CCDC138: variants seen among roughly 807,000 people sequenced by gnomAD.
CCDC138 encodes coiled-coil domain-containing protein 138.
In CCDC138, 66 loss-of-function variants were observed where a neutral mutation model predicts 82.3. The observed-to-expected ratio is 0.80, with a 90% CI of 0.66 to 0.98. CCDC138 has a LOEUF of 0.98. CCDC138 is among the 50% of genes least tolerant of loss of function. CCDC138 has a pLI of 0.00. For synonymous variants in CCDC138, 297 were observed against 265.4 expected, an observed-to-expected ratio of 1.12 and a Z score of -1.16; for missense variants, 816 against 758.9, an observed-to-expected ratio of 1.08 and a Z score of -0.88.
rs567031683 is a variant in CCDC138, at chr2:108,838,159, C to T, written c.1207-1026C>T. Among the ~76,000 whole-genome samples, 3 of 152,124 alleles carry T rather than the reference C, an allele frequency of 2.0e-5. No homozygotes were observed. The South Asian group carries it at 6.2e-4, about 32-fold the overall frequency. On this transcript the variant is annotated intron_variant, in intron 10 of 14. Transcript: ENST00000295124. ...ATATTGCCTCCTGGGATACAAGGGC[C>T]AGATAGAAGGGGTCTGGCTCTGAAT...
chr2:108,791,714 A>G lies in CCDC138; in HGVS notation c.306A>G (p.Lys102=), dbSNP rs773697106. Residue 102 remains lysine, a synonymous_variant, in exon 4 of 15, where the codon AAA becomes AAG. Transcript: ENST00000295124. ...DELDSFHDLK[K]QETEEELIEN... ...TGGATTCTTTCCATGATTTGAAGAA[A>G]CAGGAAACAGAAGAAGAGTTAATTG... is the stretch of plus-strand genomic sequence containing the variant. The G allele has an allele frequency of 6.2e-7, 1 of 1,607,242 alleles. No homozygotes were observed. The highest frequency in any genetic ancestry group is 1.1e-5 in the South Asian group (1 of 89,868).
chr2:108,823,610 G>C (rs936299132), intron 10 of CCDC138, among the ~76,000 whole-genome samples: 2 of 152,234 alleles, frequency 1.3e-5, no homozygotes, highest in Admixed American at 1.3e-4. Flanking sequence ...ATCTTAGGCA[G>C]TTGTAACACA....
Position 108,791,678 on chromosome 2 carries a change from AGAT to A in CCDC138, c.276_278del (p.Asp92del). ...TGATACAATTATTTTTTTAAAGCCT[AGAT>A]GATGAACTGGATTCTTTCCATGATT... On this transcript the variant is annotated inframe_deletion, in exon 4 of 15. Coordinates refer to ENST00000295124, the MANE Select transcript of CCDC138 (RefSeq NM_144978.3). The A allele has an allele frequency of 3.1e-6, 5 of 1,604,634 alleles. No individual in the cohort carries two copies. The highest frequency in any genetic ancestry group is 4.3e-6 in the Non-Finnish European group (5 of 1,174,356).
intron 14 of CCDC138, among the ~76,000 whole-genome samples, chr2:108,874,009 T>A (rs1695657848): frequency 6.6e-6 from 1 of 152,114 alleles, no homozygotes; most frequent in South Asian, 2.1e-4. Flanking sequence ...AGAATTAGAG[T>A]TCTGATCTCA....
chr2:108,790,122 ATAAT>A (rs752461460), intron 3 of CCDC138, among the ~76,000 whole-genome samples: 8 of 152,270 alleles, frequency 5.3e-5, no homozygotes, highest in African/African-American at 1.9e-4. Flanking sequence ...TTCTGGGTAA[ATAAT>A]AAGTACTCAA....
intron 5 of CCDC138, among the ~76,000 whole-genome samples, chr2:108,797,123 G>A (rs145012418): frequency 3.6e-4 from 55 of 152,214 alleles, no homozygotes; most frequent in African/African-American, 1.3e-3. Flanking sequence ...GCATATACTT[G>A]GTAATTTTAG....
chr2:108,862,984 A>G (rs2104876922), intron 13 of CCDC138, among the ~76,000 whole-genome samples: 1 of 152,296 alleles, frequency 6.6e-6, no homozygotes, highest in African/African-American at 2.4e-5. Context: ...ATCATCAAAA[A>G]CTTTGGACTA....
At chr2:108,804,388 A>G (rs1239204914) in intron 6 of CCDC138, among the ~76,000 whole-genome samples, 1 of 152,192 alleles carries the variant, frequency 6.6e-6, no homozygotes, top group Non-Finnish European at 1.5e-5. Context: ...TATCTAACAT[A>G]TTTTGAGATG....
chr2:108,869,775 C>A (rs1462672614), intron 13 of CCDC138, among the ~76,000 whole-genome samples: 1 of 152,148 alleles, frequency 6.6e-6, no homozygotes, highest in Non-Finnish European at 1.5e-5. Flanking sequence ...ACTCCCTACA[C>A]CGTTCCCAAG....
rs188111462 is a variant in CCDC138 at position 108,797,065 on chromosome 2, T to C, written c.577-1363T>C. On this transcript the variant is annotated intron_variant, in intron 5 of 14. Transcript: ENST00000295124. The stretch of plus-strand genomic sequence containing the variant: ...TTAAGTAGGCTGTTTGGACTTGACT[T>C]TGGAGCCTGTGAGAAAGATCTGAGC... Among the ~76,000 whole-genome samples the C allele has an allele frequency of 1.8e-3, 279 of 152,194 alleles. 3 individuals carry two copies. The highest frequency in any genetic ancestry group is 4.2e-3 in the South Asian group (20 of 4,800).
intron 12 of CCDC138, among the ~76,000 whole-genome samples, chr2:108,855,610 A>G (rs1692458719): frequency 6.6e-6 from 1 of 152,224 alleles, no homozygotes; most frequent in Non-Finnish European, 1.5e-5. Context: ...AATTAAGTAC[A>G]GTAATGTTGG....
intron 13 of CCDC138, among the ~76,000 whole-genome samples, chr2:108,861,825 C>T (rs1163810339): frequency 6.6e-6 from 1 of 152,046 alleles, no homozygotes; most frequent in Non-Finnish European, 1.5e-5. Context: ...GCGTGAGCCA[C>T]CGCGCCCAGC....
At chr2:108,861,472 C>CTTTTTTTTTTTTTTTTTTTTTTT (rs201132350) in intron 13 of CCDC138, among the ~76,000 whole-genome samples, 1 of 123,552 alleles carries the variant, frequency 8.1e-6, no homozygotes, top group Admixed American at 7.7e-5. Context: ...AACTTTCTTC[C>CTTTTTTTTTTTTTTTTTTTTTTT]TTTTTTTTTT....
At chr2:108,873,373 T>G (rs1695563961) in intron 13 of CCDC138, 78 bp from the exon 14 acceptor site, 1 of 1,245,276 alleles carries the variant, frequency 8.0e-7, no homozygotes, top group Non-Finnish European at 1.1e-6. Context: ...ATGCCTCACA[T>G]AGTTCTGATT....
At chr2:108,840,921 C>T (rs774597854) in intron 11 of CCDC138, among the ~76,000 whole-genome samples, 34 of 152,120 alleles carry the variant, frequency 2.2e-4, no homozygotes, top group Non-Finnish European at 4.7e-4. Flanking sequence ...AAGTGATTCT[C>T]CTGCATCAGC....
At chr2:108,803,799 T>G (rs147248161) in intron 6 of CCDC138, among the ~76,000 whole-genome samples, 1 of 152,346 alleles carries the variant, frequency 6.6e-6, no homozygotes, top group East Asian at 1.9e-4. Context: ...TATTTAGGGC[T>G]TTTAGCTATA....
intron 5 of CCDC138, among the ~76,000 whole-genome samples, chr2:108,797,882 A>G (rs1458271504): frequency 6.6e-6 from 1 of 152,118 alleles, no homozygotes; most frequent in Admixed American, 6.6e-5. Context: ...AACATATAAA[A>G]AGATTTTTGG....
At chr2:108,848,028 T>C (rs550477162) in intron 12 of CCDC138, among the ~76,000 whole-genome samples, 94 of 152,228 alleles carry the variant, frequency 6.2e-4, no homozygotes, top group African/African-American at 2.2e-3. Flanking sequence ...CACAGGTAAA[T>C]GGATTCTAAA....
At position 108,791,703 on chromosome 2, in the gene CCDC138, G is replaced by T. The variant is rs35794776; in HGVS notation, c.295G>T (p.Asp99Tyr). Reference protein sequence around the residue: ...CLDDELDSFHDLKKQETEEEL... With the variant: ...CLDDELDSFHYLKKQETEEEL... Reference sequence around the variant, plus strand: ...AGATGATGAACTGGATTCTTTCCATGATTTGAAGAAACAGGAAACAGAAGA... The same window carrying T: ...AGATGATGAACTGGATTCTTTCCATTATTTGAAGAAACAGGAAACAGAAGA... The change falls in exon 4 of 15, where the codon GAT (aspartate) becomes TAT (tyrosine). Residue 99 changes from aspartate (D) to tyrosine (Y), a missense_variant. Physicochemically the swap from Asp to Tyr is radical, Grantham distance 160. Transcript: ENST00000295124. 0.061 allele frequency: 98,062 copies of T among 1,601,732 alleles called. 3,662 individuals carry two copies. Among genetic ancestry groups the T allele is most frequent in the South Asian group, 0.14 (12,615 of 89,624 alleles).
Sources: gnomAD v4.1 joint callset for allele counts (sites outside exome capture counted in the v4.1 genomes callset) on GRCh38, gnomAD v4.1.1 for gene constraint, MANE v1.5 for transcripts, NCBI Gene and HGNC (gene_info 2026-07-23, HGNC 2026-07-21) for gene names.